PTPRN2: variants seen among roughly 807,000 people sequenced by gnomAD.
PTPRN2 encodes the protein protein tyrosine phosphatase receptor type N2, also known as receptor-type tyrosine-protein phosphatase N2.
Under a neutral mutation model 118.8 loss-of-function variants are expected in PTPRN2, and 74 were observed. The observed-to-expected ratio is 0.62, with a 90% CI of 0.52 to 0.76. The LOEUF is 0.76. Ranked by LOEUF, PTPRN2 falls within the 30% of genes least tolerant of loss-of-function variation. PTPRN2 has a pLI of 0.00. For missense variants in PTPRN2, 1,481 were observed against 1,394.4 expected, an observed-to-expected ratio of 1.06 and a Z score of -0.99; for synonymous variants, 641 against 608.0, an observed-to-expected ratio of 1.05 and a Z score of -0.80.
chr7:158,378,320 C>T (rs11977072), intron 2 of PTPRN2, among the ~76,000 whole-genome samples: 3 of 152,184 alleles, frequency 2.0e-5, no homozygotes, highest in Non-Finnish European at 4.4e-5. Context: ...CTGCAAGCCC[C>T]GCCTGCTGCC....
intron 2 of PTPRN2, among the ~76,000 whole-genome samples, chr7:158,363,088 T>C (rs1809130765): frequency 6.6e-6 from 1 of 152,230 alleles, no homozygotes; most frequent in East Asian, 1.9e-4. Flanking sequence ...ACAGGACCCG[T>C]GGAGCACCAC....
Position 157,562,345 on chromosome 7 carries a change from G to GT in PTPRN2, c.2902+6556dup, listed in dbSNP as rs1440420872. Among the ~76,000 whole-genome samples the GT allele has an allele frequency of 3.3e-5, 5 of 152,262 alleles. No homozygotes were observed. In the East Asian group the frequency reaches 9.7e-4, roughly 29 times the overall value. ...CCAGGGAGATGAGAAGAGGGTGAGG[G>GT]TGAAGTCAGGAGCCACCGTAGTGCC... On this transcript the variant is annotated intron_variant, in intron 21 of 22. Coordinates refer to ENST00000389418, the MANE Select transcript of PTPRN2 (RefSeq NM_002847.5).
intron 6 of PTPRN2, among the ~76,000 whole-genome samples, chr7:158,162,666 C>T (rs75560301): frequency 0.025 from 1,151 of 45,188 alleles, 10 homozygotes; most frequent in Middle Eastern, 0.06. Flanking sequence ...GTTGTCCTCC[C>T]CGTCACCCCA....
rs374097528 is a variant in PTPRN2, at chr7:158,114,706, C to T, written c.1557-3791G>A. Among the ~76,000 whole-genome samples, 10 of 152,284 alleles carry T rather than the reference C, an allele frequency of 6.6e-5. No individual in the cohort carries two copies. The East Asian group carries it at 1.9e-3, about 29-fold the overall frequency. ...CCCAGGGAAAAGAGAAGCCACCGGCCACGGCCCTGGGGCCTACATGGGAGC... is the reference window on the plus strand; with the variant it reads ...CCCAGGGAAAAGAGAAGCCACCGGCTACGGCCCTGGGGCCTACATGGGAGC... On this transcript the variant is annotated intron_variant, in intron 9 of 22. Coordinates refer to ENST00000389418, the MANE Select transcript of PTPRN2 (RefSeq NM_002847.5).
chr7:157,551,601 ACCCACAGCCACCACGCAT>A (rs1798611064), intron 21 of PTPRN2, among the ~76,000 whole-genome samples: 1 of 69,152 alleles, frequency 1.4e-5, no homozygotes. Context: ...CCACCACACA[ACCCACAGCCACCACGCAT>A]CCCACAGCCA....
intron 11 of PTPRN2, among the ~76,000 whole-genome samples, chr7:157,993,308 G>A (rs1804396959): frequency 1.3e-5 from 2 of 151,756 alleles, no homozygotes; most frequent in Middle Eastern, 3.4e-3. Flanking sequence ...TTTTTTCCTA[G>A]GTTGTATGAC....
intron 4 of PTPRN2, among the ~76,000 whole-genome samples, chr7:158,204,362 T>C (rs1272056532): frequency 1.3e-5 from 2 of 152,234 alleles, no homozygotes; most frequent in Non-Finnish European, 2.9e-5. Flanking sequence ...ACGTTCTCAC[T>C]CTTGATCCTG....
intron 12 of PTPRN2, among the ~76,000 whole-genome samples, chr7:157,692,008 C>T (rs1373900936): frequency 6.6e-6 from 1 of 152,226 alleles, no homozygotes; most frequent in African/African-American, 2.4e-5. Context: ...GTACAATGCG[C>T]TCTCCGAGGC....
At position 157,787,031 on chromosome 7, in the gene PTPRN2, G is replaced by A. The variant is rs1478138883; in HGVS notation, c.1789-104094C>T. 2.7e-5 allele frequency among the ~76,000 whole-genome samples: 4 copies of A among 149,638 alleles called. No homozygotes were observed. The highest frequency in any genetic ancestry group is 1.0e-4 in the African/African-American group (4 of 39,906). On this transcript the variant is annotated intron_variant, in intron 12 of 22. Coordinates refer to ENST00000389418, the MANE Select transcript of PTPRN2 (RefSeq NM_002847.5). The surrounding 1 kb of genome is among the most constrained non-coding windows in gnomAD (Gnocchi z 5.3). ...GGCAGGAGGCGGACACAGGTGCGGC[G>A]GGGGACGCGGGGGTGGCTGCCCGGG...
At position 157,571,485 on chromosome 7, in the gene PTPRN2, T is replaced by C; in HGVS notation, c.2792A>G (p.Asn931Ser). 1 of 1,607,464 alleles carries C rather than the reference T, an allele frequency of 6.2e-7. No homozygotes were observed. Among genetic ancestry groups the C allele is most frequent in the Non-Finnish European group, 8.5e-7 (1 of 1,176,014 alleles). ...ACAAGAACGGCCCCTGTAGCACTTG[T>C]TTACTTTTCTGAAATAAAAAGAGAT... ...RSLLDFRRKV[N>S]KCYRGRSCPI... The change falls in exon 20 of 23, where the codon AAC (asparagine) becomes AGC (serine). Residue 931 changes from asparagine to serine, a missense_variant. By Grantham distance (46) the Asn-to-Ser change is conservative. Around this residue, in one of 3 missense-constraint regions of PTPRN2, gnomAD observed 362 missense variants for 384.1 expected, o/e 0.94. Transcript: ENST00000389418.
At chr7:157,957,762 C>T (rs1184825217) in intron 11 of PTPRN2, among the ~76,000 whole-genome samples, 1 of 152,126 alleles carries the variant, frequency 6.6e-6, no homozygotes, top group African/African-American at 2.4e-5. Flanking sequence ...TCAAAAACCT[C>T]CCAAAGAAAA....
intron 12 of PTPRN2, among the ~76,000 whole-genome samples, chr7:157,800,808 C>T (rs560350409): frequency 9.0e-4 from 137 of 151,836 alleles, no homozygotes; most frequent in Admixed American, 1.9e-3. Context: ...AAAAACCAGC[C>T]GGGTGTGGTG....
intron 11 of PTPRN2, among the ~76,000 whole-genome samples, chr7:158,078,678 A>G (rs1812567064): frequency 6.6e-6 from 1 of 152,078 alleles, no homozygotes; most frequent in African/African-American, 2.4e-5. Context: ...TGGGCCAGTC[A>G]CTGTGCTAAG....
chr7:157,921,346 G>A (rs1360998822), intron 11 of PTPRN2, among the ~76,000 whole-genome samples: 3 of 152,222 alleles, frequency 2.0e-5, no homozygotes, highest in Non-Finnish European at 4.4e-5. Context: ...GGTACCAGCA[G>A]AGCACAGAGG....
chr7:157,848,295 A>G (rs1036141873), intron 12 of PTPRN2, among the ~76,000 whole-genome samples: 5 of 144,942 alleles, frequency 3.4e-5, no homozygotes, highest in Non-Finnish European at 7.5e-5. Flanking sequence ...CTCTCATTAC[A>G]TCGTGTGTGC....
rs947885019 is a variant in PTPRN2 at position 157,587,362 on chromosome 7, G to A, written c.2496+7876C>T. On this transcript the variant is annotated intron_variant, in intron 17 of 22. Transcript: ENST00000389418. This position sits in a 1 kb window ranked among gnomAD's most constrained non-coding sequence, Gnocchi z 5.3. ...GTCAACTGTCATTCTCCTGCACCTC[G>A]GCCTTGTCACCGGTGGCTGGCAGGC... Among the ~76,000 whole-genome samples the A allele has an allele frequency of 4.6e-5, 7 of 152,142 alleles. No individual in the cohort carries two copies. The highest frequency in any genetic ancestry group is 1.5e-5 in the Non-Finnish European group (1 of 68,032).
At chr7:158,441,054 GTGATGGGGGTGGTA>G in intron 2 of PTPRN2, among the ~76,000 whole-genome samples, 2 of 55,128 alleles carry the variant, frequency 3.6e-5, no homozygotes, top group African/African-American at 4.6e-5. Flanking sequence ...GATGGTGGTA[GTGATGGGGGTGGTA>G]GTGATGGTGG....
chr7:158,170,982 T>C (rs1380327781), intron 5 of PTPRN2, among the ~76,000 whole-genome samples: 11 of 147,394 alleles, frequency 7.5e-5, no homozygotes, highest in African/African-American at 2.5e-4. Context: ...TATACATACA[T>C]ATATATATAC....
Position 157,986,047 on chromosome 7 carries a change from C to G in PTPRN2, c.1724-87310G>C, listed in dbSNP as rs1341688946. Among the ~76,000 whole-genome samples, 1 of 152,196 alleles carries G rather than the reference C, an allele frequency of 6.6e-6. No homozygotes were observed. The highest frequency in any genetic ancestry group is 2.4e-5 in the African/African-American group (1 of 41,448). ...ACTACTGACAAGAGAAAGGCCAGAACACAAACACACTTCCTGCTTCCAGAT... is the reference window on the plus strand; with the variant it reads ...ACTACTGACAAGAGAAAGGCCAGAAGACAAACACACTTCCTGCTTCCAGAT... On this transcript the variant is annotated intron_variant, in intron 11 of 22. Coordinates refer to ENST00000389418, the MANE Select transcript of PTPRN2 (RefSeq NM_002847.5). This position sits in a 1 kb window ranked among gnomAD's most constrained non-coding sequence, Gnocchi z 4.5.
Sources: allele counts gnomAD v4.1 joint callset (sites outside exome capture counted in the v4.1 genomes callset), GRCh38; gene constraint gnomAD v4.1.1; regional missense constraint gnomAD v4.1.1; non-coding constraint Gnocchi (gnomAD v3.1); transcripts MANE v1.5; gene names NCBI Gene and HGNC (gene_info 2026-07-23, HGNC 2026-07-21).